Variants in PDE8B observed in about 807,000 individuals in gnomAD.
The protein encoded by PDE8B is phosphodiesterase 8B.
A neutral mutation model predicts 101.3 loss-of-function variants in PDE8B; 26 were observed. The ratio of observed to expected loss-of-function variants is 0.26; its 90% CI spans 0.19 to 0.36. PDE8B has a LOEUF of 0.36. PDE8B is among the 10% of genes least tolerant of loss of function. The pLI, the probability that PDE8B is intolerant of heterozygous loss-of-function variation, is 1.00. For missense variants in PDE8B, 810 were observed against 1,163.1 expected (o/e 0.70, Z 4.42); for synonymous variants, 424 against 429.3 (o/e 0.99, Z 0.15).
intron 2 of PDE8B, among the ~76,000 whole-genome samples, chr5:77,321,359 C>G (rs1262709570): frequency 1.3e-5 from 2 of 152,022 alleles, no homozygotes; most frequent in East Asian, 3.9e-4. Context: ...CCATGTTGGT[C>G]AGGCTGGTCT....
chr5:77,234,133 G>A (rs1203689707), intron 1 of PDE8B, among the ~76,000 whole-genome samples: 1 of 152,114 alleles, frequency 6.6e-6, no homozygotes, highest in Non-Finnish European at 1.5e-5. Flanking sequence ...TGATGTCCCT[G>A]CATTTCTGTG....
intron 1 of PDE8B, chr5:77,291,782 C>T (rs1271302188): frequency 1.1e-5 from 18 of 1,576,260 alleles, no homozygotes; most frequent in Non-Finnish European, 1.5e-5. Flanking sequence ...TTCCTCTGGC[C>T]CAAGGAATCA....
At chr5:77,167,079 C>A in the PDE8B span, among the ~76,000 whole-genome samples, 1 of 152,214 alleles carries the variant, frequency 6.6e-6, no homozygotes, top group Non-Finnish European at 1.5e-5. Flanking sequence ...AAAGATTTAA[C>A]ATCTGAAAGT....
At chr5:77,135,765 G>A in the PDE8B span, among the ~76,000 whole-genome samples, 1 of 151,784 alleles carries the variant, frequency 6.6e-6, no homozygotes, top group Non-Finnish European at 1.5e-5. Flanking sequence ...ATGAGCCACC[G>A]TGCCTGGCTG....
At chr5:77,378,584 G>A (rs2150766975) in intron 10 of PDE8B, among the ~76,000 whole-genome samples, 1 of 151,964 alleles carries the variant, frequency 6.6e-6, no homozygotes, top group East Asian at 1.9e-4. Context: ...GAGATTAAAT[G>A]GCAAAATGTA....
intron 1 of PDE8B, among the ~76,000 whole-genome samples, chr5:77,287,966 T>C (rs1391664840): frequency 6.6e-6 from 1 of 152,238 alleles, no homozygotes; most frequent in Non-Finnish European, 1.5e-5. Flanking sequence ...TCAACCTTTT[T>C]TTCCCTTATA....
the PDE8B span, chr5:77,114,568 G>A: frequency 6.6e-6 from 1 of 152,156 alleles, no homozygotes; most frequent in Non-Finnish European, 1.5e-5. Flanking sequence ...TGTAAATTAT[G>A]AGTTGATGGG....
chr5:77,327,933 G>T (rs1273041230), intron 3 of PDE8B, among the ~76,000 whole-genome samples: 1 of 152,184 alleles, frequency 6.6e-6, no homozygotes, highest in Non-Finnish European at 1.5e-5. Context: ...TTTGAGAAAG[G>T]TCATAAAATG....
chr5:77,421,872 A>G lies in PDE8B; in HGVS notation c.2302A>G (p.Asn768Asp). The change falls in exon 20 of 22, where the codon AAC becomes GAC. Residue 768 changes from asparagine (N) to aspartate (D), a missense_variant. Asn to Asp is a conservative substitution (Grantham distance 23). Transcript: ENST00000264917. ...CNPAGKNFPE[N>D]QILIKRMMIK... ...CCCTGCTGGGAAGAACTTCCCTGAA[A>G]ACCAAATCCTGATCAAACGCATGAT... 6.8e-6 allele frequency: 11 copies of G among 1,614,124 alleles called. No homozygotes were observed. The highest frequency in any genetic ancestry group is 9.3e-6 in the Non-Finnish European group (11 of 1,180,010).
the PDE8B span, chr5:77,113,860 A>G: frequency 6.6e-6 from 1 of 152,240 alleles, no homozygotes; most frequent in Non-Finnish European, 1.5e-5. Flanking sequence ...AAAGGATATG[A>G]ACAGACACTT....
In PDE8B at chr5:77,316,327, G is replaced by T. The variant is rs1773760692; in HGVS notation, c.399+4274G>T. Among the ~76,000 whole-genome samples the T allele has an allele frequency of 2.6e-5, 4 of 152,090 alleles. No homozygotes were observed. The South Asian group carries it at 8.3e-4, about 32-fold the overall frequency. On this transcript the variant is annotated intron_variant, in intron 2 of 21. Transcript: ENST00000264917. ...CGGCTCACTGCAAACTCTGCCTCCTGGGTTCAAGCGATTCTTCTGCCTCAG... is the reference window on the plus strand; with the variant it reads ...CGGCTCACTGCAAACTCTGCCTCCTTGGTTCAAGCGATTCTTCTGCCTCAG...
Position 77,393,019 on chromosome 5 carries a change from C to T in PDE8B, c.1168-7229C>T, listed in dbSNP as rs572458623. Among the ~76,000 whole-genome samples the T allele has an allele frequency of 1.7e-4, 26 of 152,314 alleles. No individual in the cohort carries two copies. In the South Asian group the frequency reaches 5.4e-3, roughly 32 times the overall value. ...TTAGCCAACTAGAAGAACATTAAAA[C>T]TTGGTTCTTCTTTAGAGACTTGTAG... On this transcript the variant is annotated intron_variant, in intron 10 of 21. Coordinates refer to ENST00000264917, the MANE Select transcript of PDE8B (RefSeq NM_003719.5).
chr5:77,300,242 G>A (rs1167331129), intron 1 of PDE8B, among the ~76,000 whole-genome samples: 2 of 152,230 alleles, frequency 1.3e-5, no homozygotes, highest in Admixed American at 6.5e-5. Flanking sequence ...TACTCAGCCT[G>A]TTCTGTAGCC....
intron 9 of PDE8B, among the ~76,000 whole-genome samples, chr5:77,352,995 G>C (rs1167709871): frequency 6.6e-6 from 1 of 152,178 alleles, no homozygotes; most frequent in African/African-American, 2.4e-5. Flanking sequence ...TTGTAGCTAT[G>C]CAATTATTAG....
chr5:77,189,984 G>C, the PDE8B span, among the ~76,000 whole-genome samples: 2 of 152,216 alleles, frequency 1.3e-5, no homozygotes, highest in African/African-American at 4.8e-5. Flanking sequence ...CAGGCAGATG[G>C]AATATGGAGG....
chr5:77,123,945 G>A, the PDE8B span, among the ~76,000 whole-genome samples: 1 of 152,136 alleles, frequency 6.6e-6, no homozygotes, highest in Non-Finnish European at 1.5e-5. Flanking sequence ...GAATACACAC[G>A]ACATTCAGTA....
Position 77,425,328 on chromosome 5 carries a change from A to G in PDE8B, c.2419-439A>G, listed in dbSNP as rs1561704463. The stretch of plus-strand genomic sequence containing the variant: ...ATAATCCCAGCACTTTGGGAGGCCA[A>G]GGGAGGCAGATCATCTGAGGTCAGG... On this transcript the variant is annotated intron_variant, in intron 20 of 21. Coordinates refer to ENST00000264917, the MANE Select transcript of PDE8B (RefSeq NM_003719.5). Among the ~76,000 whole-genome samples, 8 of 152,308 alleles carry G rather than the reference A, an allele frequency of 5.3e-5. No individual in the cohort carries two copies. The South Asian group carries it at 1.5e-3, about 28-fold the overall frequency.
the PDE8B span, among the ~76,000 whole-genome samples, chr5:77,167,776 G>C: frequency 1.3e-5 from 2 of 152,176 alleles, no homozygotes; most frequent in Non-Finnish European, 1.5e-5. Context: ...ACATCTGCTA[G>C]GAATGTCACC....
the PDE8B span, among the ~76,000 whole-genome samples, chr5:77,136,686 A>G: frequency 6.6e-6 from 1 of 152,312 alleles, no homozygotes; most frequent in Admixed American, 6.5e-5. Flanking sequence ...TCTCTGGAGA[A>G]TTGATGTCTG....
Sources: gnomAD v4.1 joint callset for allele counts (sites outside exome capture counted in the v4.1 genomes callset) on GRCh38, gnomAD v4.1.1 for gene constraint, MANE v1.5 for transcripts, NCBI Gene and HGNC (gene_info 2026-07-23, HGNC 2026-07-21) for gene names.